PTPRA: variants seen among roughly 807,000 people sequenced by gnomAD.
The protein encoded by PTPRA is receptor-type tyrosine-protein phosphatase alpha.
PTPRA carries 25 observed loss-of-function variants against 104.8 expected under a neutral mutation model. The observed-to-expected ratio is 0.24, with a 90% CI of 0.17 to 0.33. The LOEUF (loss-of-function observed/expected upper bound fraction) is 0.33, where lower values mean the gene tolerates loss of function less well. PTPRA is among the 10% of genes least tolerant of loss of function. PTPRA has a pLI of 1.00. For synonymous variants in PTPRA, 323 were observed against 368.9 expected, an observed-to-expected ratio of 0.88 and a Z score of 1.43; for missense variants, 765 against 1,015.3, an observed-to-expected ratio of 0.75 and a Z score of 3.35.
Position 3,005,128 on chromosome 20 carries a change from T to A in PTPRA, c.811T>A (p.Tyr271Asn). The change falls in exon 10 of 24, where the codon TAT (tyrosine) becomes AAT (asparagine). Residue 271 changes from tyrosine to asparagine, a missense_variant. Physicochemically the swap from Tyr to Asn is moderately radical, Grantham distance 143. This residue lies in a region of PTPRA where 245 missense variants were observed against 398.7 expected (regional missense o/e 0.61). Coordinates refer to ENST00000399903, the MANE Select transcript of PTPRA (RefSeq NM_001385305.1). ...GGAGGAAAACAAGGAAAAAAATCGA[T>A]ATGTAAACATCTTGCCTTGTGAGTG... ...SKEENKEKNRYVNILPYDHSR... is the reference protein window; with the variant it reads ...SKEENKEKNRNVNILPYDHSR... 1 of 1,603,300 alleles carries A rather than the reference T, an allele frequency of 6.2e-7. No homozygotes were observed. Among genetic ancestry groups the A allele is most frequent in the Non-Finnish European group, 8.5e-7 (1 of 1,170,130 alleles).
At chr20:2,899,554 G>T (rs1200005154) in intron 1 of PTPRA, among the ~76,000 whole-genome samples, 2 of 152,114 alleles carry the variant, frequency 1.3e-5, no homozygotes, top group African/African-American at 2.4e-5. Context: ...TTTGTAATAT[G>T]ATTTTTGTGT....
At chr20:3,024,250 C>G (rs1477280872) in intron 16 of PTPRA, among the ~76,000 whole-genome samples, 1 of 152,148 alleles carries the variant, frequency 6.6e-6, no homozygotes, top group Non-Finnish European at 1.5e-5. Flanking sequence ...TCCACCACCC[C>G]CAAGATAGAC....
intron 3 of PTPRA, among the ~76,000 whole-genome samples, chr20:2,954,762 A>T (rs931005745): frequency 6.6e-6 from 1 of 152,270 alleles, no homozygotes; most frequent in East Asian, 1.9e-4. Flanking sequence ...ATATCCAAGA[A>T]ATTTTTGCCA....
chr20:2,926,677 A>T (rs1242195863), intron 2 of PTPRA, among the ~76,000 whole-genome samples: 2 of 149,064 alleles, frequency 1.3e-5, no homozygotes, highest in Non-Finnish European at 3.0e-5. Context: ...AAGTGATTAC[A>T]TTTCTAACTT....
chr20:2,973,065 C>G (rs1008237846), intron 5 of PTPRA, among the ~76,000 whole-genome samples: 1 of 151,728 alleles, frequency 6.6e-6, no homozygotes, highest in African/African-American at 2.4e-5. Context: ...AAAAGTTCTC[C>G]CTTGTGATTA....
chr20:2,960,825 C>T (rs1350264822), intron 3 of PTPRA, among the ~76,000 whole-genome samples: 1 of 151,928 alleles, frequency 6.6e-6, no homozygotes, highest in Non-Finnish European at 1.5e-5. Context: ...GCATGAGTCA[C>T]CGCACCTGGC....
chr20:2,906,486 T>C (rs1378326387), intron 1 of PTPRA, among the ~76,000 whole-genome samples: 1 of 152,200 alleles, frequency 6.6e-6, no homozygotes, highest in East Asian at 1.9e-4. Context: ...GGGTAATACG[T>C]ACGTTCTGAT....
chr20:2,888,991 T>C (rs944317335), intron 1 of PTPRA, among the ~76,000 whole-genome samples: 13 of 152,220 alleles, frequency 8.5e-5, no homozygotes, highest in African/African-American at 2.7e-4. Context: ...TCCATACTTA[T>C]CCAGTTGTAC....
intron 9 of PTPRA, among the ~76,000 whole-genome samples, chr20:3,003,387 G>A (rs1042901240): frequency 2.6e-5 from 4 of 152,134 alleles, no homozygotes; most frequent in Non-Finnish European, 5.9e-5. Context: ...AAATAATTAG[G>A]ACATAAAGAT....
In PTPRA at chr20:3,005,261, G is replaced by A. The variant is rs1273622826; in HGVS notation, c.829+115G>A. The A allele has an allele frequency of 1.2e-5, 12 of 989,294 alleles. 1 individual carries two copies. The highest frequency in any genetic ancestry group is 9.7e-5 in the East Asian group (4 of 41,302). The allele number at this position is 989,294 out of a possible 1,614,324, so 61.3% of individuals were successfully genotyped here. Reference sequence around the variant, plus strand: ...ACAGCAGGGTGAATAACAAGAGTGCGTTCATGGCAGTACTCAGTGGCTCAT... The same window carrying A: ...ACAGCAGGGTGAATAACAAGAGTGCATTCATGGCAGTACTCAGTGGCTCAT... On this transcript the variant is annotated intron_variant, in intron 10 of 23. Coordinates refer to ENST00000399903, the MANE Select transcript of PTPRA (RefSeq NM_001385305.1).
chr20:2,890,680 T>C (rs1600066965), intron 1 of PTPRA, among the ~76,000 whole-genome samples: 1 of 152,130 alleles, frequency 6.6e-6, no homozygotes, highest in African/African-American at 2.4e-5. Context: ...GCTGAGTAAA[T>C]GTGATCAACT....
rs895024571 is a variant in PTPRA at position 3,037,468 on chromosome 20, G to A, written c.2334+179G>A. On this transcript the variant is annotated intron_variant, in intron 23 of 23. Transcript: ENST00000399903. The surrounding 1 kb of genome is among the most constrained non-coding windows in gnomAD (Gnocchi z 4.3). ...CATTGGGAGGCAGGATGGCAGCAAT[G>A]GGAGCATAGCCCCTGTTGCCAGAGG... Among the ~76,000 whole-genome samples the A allele has an allele frequency of 3.3e-5, 5 of 152,198 alleles. No individual in the cohort carries two copies. Among genetic ancestry groups the A allele is most frequent in the African/African-American group, 1.2e-4 (5 of 41,458 alleles).
intron 11 of PTPRA, among the ~76,000 whole-genome samples, chr20:3,013,401 T>TAG (rs2064275309): frequency 6.8e-6 from 1 of 148,134 alleles, no homozygotes; most frequent in Non-Finnish European, 1.5e-5. Flanking sequence ...CATTTTTAGA[T>TAG]GTCTAAGAAT....
chr20:2,993,617 G>A (rs1235146785), intron 9 of PTPRA, among the ~76,000 whole-genome samples: 1 of 152,220 alleles, frequency 6.6e-6, no homozygotes, highest in South Asian at 2.1e-4. Context: ...ATGTTAATCT[G>A]CAGAAAGTAG....
At chr20:3,023,053 G>GT (rs1357251772) in intron 16 of PTPRA, among the ~76,000 whole-genome samples, 1 of 152,226 alleles carries the variant, frequency 6.6e-6, no homozygotes, top group East Asian at 1.9e-4. Context: ...TTGAGATGCT[G>GT]TTAATCTGTA....
intron 1 of PTPRA, among the ~76,000 whole-genome samples, chr20:2,884,812 GT>G (rs34457101): frequency 0.011 from 1,367 of 126,870 alleles, 13 homozygotes; most frequent in African/African-American, 0.031. Context: ...TGTTTTTTTT[GT>G]TTTTTTTTTT....
chr20:2,975,459 T>C (rs2062393738), intron 6 of PTPRA, among the ~76,000 whole-genome samples: 1 of 152,252 alleles, frequency 6.6e-6, no homozygotes, highest in Admixed American at 6.5e-5. Context: ...TTCTAACAGC[T>C]ATGATGTATT....
intron 1 of PTPRA, among the ~76,000 whole-genome samples, chr20:2,910,203 A>T (rs1391972942): frequency 7.9e-6 from 1 of 127,290 alleles, no homozygotes; most frequent in African/African-American, 3.0e-5. Flanking sequence ...TGATATATAT[A>T]CTATATTGTA....
At chr20:2,868,937 GTA>G (rs2089396211), upstream of PTPRA, among the ~76,000 whole-genome samples, 2 of 152,172 alleles carry the variant, frequency 1.3e-5, no homozygotes, top group African/African-American at 4.8e-5. Flanking sequence ...GATGACAAAT[GTA>G]TATCAACAGT....
Sources: allele counts gnomAD v4.1 joint callset (sites outside exome capture counted in the v4.1 genomes callset), GRCh38; gene constraint gnomAD v4.1.1; regional missense constraint gnomAD v4.1.1; non-coding constraint Gnocchi (gnomAD v3.1); transcripts MANE v1.5; gene names NCBI Gene and HGNC (gene_info 2026-07-23, HGNC 2026-07-21).